The following TNFAIP2 variants were observed in gnomAD, a reference collection of about 807,000 sequenced individuals.
TNFAIP2 encodes tumor necrosis factor alpha-induced protein 2.
In TNFAIP2, 47 loss-of-function variants were observed where a neutral mutation model predicts 63.5. That is an observed-to-expected ratio of 0.74 (90% CI 0.59 to 0.94). The LOEUF (loss-of-function observed/expected upper bound fraction) is 0.94, where lower values mean the gene tolerates loss of function less well. TNFAIP2 is among the 40% of genes least tolerant of loss of function. The probability of loss-of-function intolerance (pLI) is 0.00; values close to 1 mark genes in which losing one functional copy is unlikely to be tolerated. For missense variants in TNFAIP2, 787 were observed against 850.2 expected (o/e 0.93, Z 0.92); for synonymous variants, 405 against 390.2 (o/e 1.04, Z -0.45).
chr14:103,129,788 G>C lies in TNFAIP2; in HGVS notation c.909G>C (p.Gly303=). The C allele has an allele frequency of 6.2e-7, 1 of 1,614,022 alleles. No individual in the cohort carries two copies. Among genetic ancestry groups the C allele is most frequent in the Non-Finnish European group, 8.5e-7 (1 of 1,179,946 alleles). ...TGGTGGGTGAGCTGCAGGGTATGGG[G>C]CTCGGGAGCCTCCTGCCCCCCAGGC... ...PKLVGELQGM[G]LGSLLPPRQI... The change falls in exon 4 of 12, where the codon GGG becomes GGC. Residue 303 remains glycine (G), a synonymous_variant. Coordinates refer to ENST00000560869, the MANE Select transcript of TNFAIP2 (RefSeq NM_006291.4).
intron 11 of TNFAIP2, among the ~76,000 whole-genome samples, chr14:103,134,297 G>T (rs1051932960): frequency 6.6e-6 from 1 of 152,200 alleles, no homozygotes; most frequent in Non-Finnish European, 1.5e-5. Context: ...GGTCTTGACA[G>T]GGTTGACCCC....
chr14:103,124,550 G>A (rs1362493011), intron 1 of TNFAIP2: 1 of 152,668 alleles, frequency 6.6e-6, no homozygotes, highest in Non-Finnish European at 1.5e-5. Flanking sequence ...AGGGAAGGCT[G>A]AGGTGAGGCT....
At chr14:103,133,645 G>T in intron 10 of TNFAIP2, 37 bp from the exon 11 acceptor site, 2 of 1,549,396 alleles carry the variant, frequency 1.3e-6, no homozygotes, top group Non-Finnish European at 8.7e-7. Flanking sequence ...CGAGCCTCTG[G>T]ACCCCTGGGT....
Position 103,131,748 on chromosome 14 carries a change from C to T in TNFAIP2, c.1408C>T (p.His470Tyr). Reference sequence around the variant, plus strand: ...CTTTGACACCCTGCTCCAGAACCTGCATGAGGACCTGAAGGTAGCGGGAGC... The same window carrying T: ...CTTTGACACCCTGCTCCAGAACCTGTATGAGGACCTGAAGGTAGCGGGAGC... ...HGFDTLLQNL[H>Y]EDLKPLFKRF... The change falls in exon 8 of 12, where the codon CAT becomes TAT. Residue 470 changes from histidine to tyrosine, a missense_variant. Physicochemically the swap from His to Tyr is moderately conservative, Grantham distance 83. Coordinates refer to ENST00000560869, the MANE Select transcript of TNFAIP2 (RefSeq NM_006291.4). The surrounding 1 kb of genome is among the most constrained non-coding windows in gnomAD (Gnocchi z 4.0). 1 of 1,612,270 alleles carries T rather than the reference C, an allele frequency of 6.2e-7. No homozygotes were observed. The highest frequency in any genetic ancestry group is 1.3e-5 in the African/African-American group (1 of 75,022).
chr14:103,127,107 T>A lies in TNFAIP2; in HGVS notation c.338T>A (p.Val113Glu). The A allele has an allele frequency of 9.1e-7, 1 of 1,097,836 alleles. No homozygotes were observed. The highest frequency in any genetic ancestry group is 1.1e-6 in the Non-Finnish European group (1 of 903,558). 68.0% of individuals were successfully genotyped at this position (1,097,836 alleles called of 1,614,324 possible). Reference sequence around the variant, plus strand: ...GCGGCGGCGGCGGCGGCGGGCGGTGTGAGCGAGGAGGAGCTGGTGCGGCGC... The same window carrying A: ...GCGGCGGCGGCGGCGGCGGGCGGTGAGAGCGAGGAGGAGCTGGTGCGGCGC... Reference protein sequence around the residue: ...ELAAAAAAGGVSEEELVRRQS... With the variant: ...ELAAAAAAGGESEEELVRRQS... Residue 113 changes from valine to glutamate, a missense_variant, in exon 3 of 12, where the codon GTG becomes GAG. By Grantham distance (121) the Val-to-Glu change is moderately radical. Around this residue, in one of 3 missense-constraint regions of TNFAIP2, gnomAD observed 258 missense variants for 228.9 expected, o/e 1.13. Transcript: ENST00000560869. The surrounding 1 kb of genome is among the most constrained non-coding windows in gnomAD (Gnocchi z 5.1).
chr14:103,129,379 G>A (rs1297058344), intron 3 of TNFAIP2, among the ~76,000 whole-genome samples: 2 of 152,142 alleles, frequency 1.3e-5, no homozygotes, highest in African/African-American at 4.8e-5. Flanking sequence ...GGAGGTGAGG[G>A]AAGGAGCAGA....
rs760278095 is a variant in TNFAIP2, at chr14:103,130,133, A to G, written c.1098+9A>G. On this transcript the variant is annotated intron_variant, in intron 5 of 11. Transcript: ENST00000560869. ...CCATCGACATCATCCAGGTACTGCAATCTGCCCCAGGGCACACGTACCGCC... is the reference window on the plus strand; with the variant it reads ...CCATCGACATCATCCAGGTACTGCAGTCTGCCCCAGGGCACACGTACCGCC... 8.7e-6 allele frequency: 14 copies of G among 1,611,734 alleles called. No individual in the cohort carries two copies. Among genetic ancestry groups the G allele is most frequent in the East Asian group, 4.5e-5 (2 of 44,820 alleles).
chr14:103,135,525 C>G lies in TNFAIP2; in HGVS notation c.*165C>G. 1 of 1,473,840 alleles carries G rather than the reference C, an allele frequency of 6.8e-7. No individual in the cohort carries two copies. The highest frequency in any genetic ancestry group is 1.4e-5 in the South Asian group (1 of 71,614). 91.3% of individuals were successfully genotyped at this position (1,473,840 alleles called of 1,614,324 possible). On this transcript the variant is annotated 3_prime_UTR_variant, in exon 12 of 12. Transcript: ENST00000560869. The surrounding 1 kb of genome is among the most constrained non-coding windows in gnomAD (Gnocchi z 7.6). ...GAGGTGCAGGCCCTGTCAGCTGGAA[C>G]TGGACAGACCTTGGTTTGTTTACAT...
intron 3 of TNFAIP2, among the ~76,000 whole-genome samples, chr14:103,129,059 G>A (rs921733669): frequency 2.0e-5 from 3 of 152,244 alleles, no homozygotes; most frequent in Non-Finnish European, 2.9e-5. Context: ...GAAGTGCCAG[G>A]GCTGGGCAGT....
At position 103,133,813 on chromosome 14, in the gene TNFAIP2, TG is replaced by T; in HGVS notation, c.1823+14del. On this transcript the variant is annotated intron_variant, in intron 11 of 11. Transcript: ENST00000560869. ...GCTACCCTGACTTCAGGTGAGAACC[TG>T]GGGCACCTCAGGACCACTGTCACAT... 6.3e-7 allele frequency: 1 copy of T among 1,579,270 alleles called. No individual in the cohort carries two copies. Among genetic ancestry groups the T allele is most frequent in the Non-Finnish European group, 8.5e-7 (1 of 1,173,074 alleles).
In TNFAIP2 at chr14:103,136,453, C is replaced by G. The variant is rs1468193161; in HGVS notation, c.*1093C>G. On this transcript the variant is annotated 3_prime_UTR_variant, in exon 12 of 12. Transcript: ENST00000560869. ...CAGGCTCCTCCATCTTCAGAGCCAG[C>G]TGTGGGTAGTTGAATCTTTTTCCCG... 6.6e-6 allele frequency: 1 copy of G among 152,412 alleles called. No homozygotes were observed. The highest frequency in any genetic ancestry group is 1.5e-5 in the Non-Finnish European group (1 of 68,464). 9.4% of individuals were successfully genotyped at this position (152,412 alleles called of 1,614,324 possible). A position where few individuals can be genotyped will look rare whatever the true frequency, so the allele number is the denominator to read the frequency against.
rs1023681377 is a variant in TNFAIP2, at chr14:103,131,391, G to A, written c.1298+241G>A. Among the ~76,000 whole-genome samples the A allele has an allele frequency of 1.3e-5, 2 of 152,188 alleles. No homozygotes were observed. Among genetic ancestry groups the A allele is most frequent in the African/African-American group, 4.8e-5 (2 of 41,438 alleles). ...ATCCTTAAAGCAACCCTGTGAAGTA[G>A]GTATAGTGATCTGTCTATTAGGCAG... On this transcript the variant is annotated intron_variant, in intron 7 of 11. Transcript: ENST00000560869. This position sits in a 1 kb window ranked among gnomAD's most constrained non-coding sequence, Gnocchi z 4.0.
rs1436518989 is a variant in TNFAIP2 at position 103,135,539 on chromosome 14, G to A, written c.*179G>A. ...GTCAGCTGGAACTGGACAGACCTTG[G>A]TTTGTTTACATGTCCGATGGGGGCA... On this transcript the variant is annotated 3_prime_UTR_variant, in exon 12 of 12. Transcript: ENST00000560869. The surrounding 1 kb of genome is among the most constrained non-coding windows in gnomAD (Gnocchi z 7.6). 4 of 1,459,354 alleles carry A rather than the reference G, an allele frequency of 2.7e-6. No individual in the cohort carries two copies. The highest frequency in any genetic ancestry group is 3.6e-6 in the Non-Finnish European group (4 of 1,112,748). The allele number at this position is 1,459,354 out of a possible 1,614,324, so 90.4% of individuals were successfully genotyped here. A position where few individuals can be genotyped will look rare whatever the true frequency, so the allele number is the denominator to read the frequency against.
intron 11 of TNFAIP2, among the ~76,000 whole-genome samples, chr14:103,134,375 A>G (rs955639625): frequency 6.6e-6 from 1 of 151,912 alleles, no homozygotes; most frequent in African/African-American, 2.4e-5. Flanking sequence ...CCATACAAGC[A>G]CCCATCTGCT....
At chr14:103,133,004 G>A (rs542641146) in intron 9 of TNFAIP2, 132 bp downstream of exon 9, 7 of 1,419,182 alleles carry the variant, frequency 4.9e-6, no homozygotes, top group East Asian at 2.4e-5. Context: ...GAATGCACGA[G>A]CATGTGAACA....
rs867153064 is a variant in TNFAIP2 at position 103,127,479 on chromosome 14, C to A, written c.710C>A (p.Pro237Gln). 3.8e-6 allele frequency: 6 copies of A among 1,585,078 alleles called. No homozygotes were observed. The Admixed American group carries it at 5.2e-5, about 14-fold the overall frequency. ...DLEAVVERLK[P>Q]LFPAEFGVVA... ...GAGGCCGTGGTGGAGCGGCTGAAGCCGCTGTTCCCCGCCGAGTTCGGCGTC... is the reference window on the plus strand; with the variant it reads ...GAGGCCGTGGTGGAGCGGCTGAAGCAGCTGTTCCCCGCCGAGTTCGGCGTC... Residue 237 changes from proline to glutamine, a missense_variant, in exon 3 of 12, where the codon CCG (proline) becomes CAG (glutamine). By Grantham distance (76) the Pro-to-Gln change is moderately conservative. Around this residue, in one of 3 missense-constraint regions of TNFAIP2, gnomAD observed 523 missense variants for 604.1 expected, o/e 0.87. Transcript: ENST00000560869. The surrounding 1 kb of genome is among the most constrained non-coding windows in gnomAD (Gnocchi z 5.1).
In TNFAIP2 at chr14:103,130,434, T is replaced by C. The variant is rs771355763; in HGVS notation, c.1199+19T>C. Reference sequence around the variant, plus strand: ...TGAGGAGGTGGGTGTGTGCCCAGGATGGGGTCCCTGTAGCCACCGCTCTCA... The same window carrying C: ...TGAGGAGGTGGGTGTGTGCCCAGGACGGGGTCCCTGTAGCCACCGCTCTCA... On this transcript the variant is annotated intron_variant, in intron 6 of 11. Coordinates refer to ENST00000560869, the MANE Select transcript of TNFAIP2 (RefSeq NM_006291.4). The C allele has an allele frequency of 7.7e-6, 12 of 1,551,488 alleles. No homozygotes were observed. The highest frequency in any genetic ancestry group is 2.6e-6 in the Non-Finnish European group (3 of 1,147,768).
chr14:103,126,273 C>G (rs918749371), intron 1 of TNFAIP2, 37 bp from the exon 2 acceptor site: 1 of 564,420 alleles, frequency 1.8e-6, no homozygotes, highest in African/African-American at 1.9e-5. Context: ...AGGGCCGGTC[C>G]ATGGTGACCA....
Position 103,133,279 on chromosome 14 carries a change from G to A in TNFAIP2, c.1546-83G>A, listed in dbSNP as rs1032898945. 7.9e-6 allele frequency: 12 copies of A among 1,523,238 alleles called. No individual in the cohort carries two copies. The African/African-American group carries it at 1.5e-4, about 19-fold the overall frequency. The allele number at this position is 1,523,238 out of a possible 1,614,324, so 94.4% of individuals were successfully genotyped here. A position where few individuals can be genotyped will look rare whatever the true frequency, so the allele number is the denominator to read the frequency against. ...GCTCTGGCATCTGCCTCTCTCTGGA[G>A]GCCTGGCTACAAGGCTTCAAGGGAG... On this transcript the variant is annotated intron_variant, in intron 9 of 11. Transcript: ENST00000560869.
Sources: allele counts gnomAD v4.1 joint callset (sites outside exome capture counted in the v4.1 genomes callset), GRCh38; gene constraint gnomAD v4.1.1; regional missense constraint gnomAD v4.1.1; non-coding constraint Gnocchi (gnomAD v3.1); transcripts MANE v1.5; gene names NCBI Gene and HGNC (gene_info 2026-07-23, HGNC 2026-07-21).